The following LINGO2 variants were observed in gnomAD, a reference collection of about 807,000 sequenced individuals.
LINGO2 encodes leucine-rich repeat and immunoglobulin-like domain-containing nogo receptor-interacting protein 2.
In LINGO2, 14 loss-of-function variants were observed where a neutral mutation model predicts 30.6. The ratio of observed to expected loss-of-function variants is 0.46; its 90% CI spans 0.30 to 0.72. The LOEUF (loss-of-function observed/expected upper bound fraction) is 0.72. Ranked by LOEUF, LINGO2 falls within the 30% of genes least tolerant of loss-of-function variation. LINGO2 has a pLI of 0.07. For missense variants in LINGO2, 729 were observed against 751.7 expected (o/e 0.97, Z 0.35); for synonymous variants, 317 against 288.5 (o/e 1.10, Z -1.00).
At chr9:28,326,684 C>CT (rs2134324718) in intron 3 of LINGO2, among the ~76,000 whole-genome samples, 1 of 152,256 alleles carries the variant, frequency 6.6e-6, no homozygotes, top group South Asian at 2.1e-4. Flanking sequence ...ATGGTATATA[C>CT]TTAATGAATG....
the LINGO2 span, among the ~76,000 whole-genome samples, chr9:29,199,344 A>AT: frequency 6.6e-6 from 1 of 152,122 alleles, no homozygotes; most frequent in African/African-American, 2.4e-5. Flanking sequence ...ACAGCCAGAA[A>AT]TTTTTTATAG....
intron 4 of LINGO2, among the ~76,000 whole-genome samples, chr9:28,071,751 T>C (rs1371944371): frequency 1.3e-5 from 2 of 152,082 alleles, no homozygotes; most frequent in Non-Finnish European, 2.9e-5. Flanking sequence ...CTAAGAGCTG[T>C]CTGTCACAGC....
upstream of LINGO2, among the ~76,000 whole-genome samples, chr9:28,672,082 A>G (rs759165479): frequency 2.0e-4 from 30 of 152,122 alleles, no homozygotes; most frequent in Admixed American, 1.0e-3. Context: ...AGTGAATAAC[A>G]TGTCCTATTA....
At chr9:28,500,161 T>G (rs1160872232) in intron 1 of LINGO2, among the ~76,000 whole-genome samples, 1 of 152,170 alleles carries the variant, frequency 6.6e-6, no homozygotes, top group Non-Finnish European at 1.5e-5. Context: ...GTGGGTCTTC[T>G]GACTTTGAAG....
At chr9:28,254,094 G>A (rs765885988) in intron 4 of LINGO2, among the ~76,000 whole-genome samples, 10 of 151,982 alleles carry the variant, frequency 6.6e-5, no homozygotes, top group Admixed American at 1.3e-4. Context: ...AAGGACCCCC[G>A]TCTTTAGCTG....
At chr9:28,338,074 A>G (rs1825647021) in intron 3 of LINGO2, among the ~76,000 whole-genome samples, 1 of 152,190 alleles carries the variant, frequency 6.6e-6, no homozygotes, top group African/African-American at 2.4e-5. Flanking sequence ...CAGCCTATGA[A>G]AGAACCGAGA....
At chr9:28,073,184 C>T (rs944580094) in intron 4 of LINGO2, among the ~76,000 whole-genome samples, 4 of 151,970 alleles carry the variant, frequency 2.6e-5, no homozygotes, top group South Asian at 2.1e-4. Flanking sequence ...CAGCAGCTGA[C>T]GGGATGGAGA....
chr9:28,403,646 C>T (rs1822366191), intron 2 of LINGO2, among the ~76,000 whole-genome samples: 2 of 94,252 alleles, frequency 2.1e-5, no homozygotes, highest in Admixed American at 2.5e-4. Flanking sequence ...GACAATGCCA[C>T]CCCTCTCCTT....
At chr9:29,045,804 T>G in the LINGO2 span, among the ~76,000 whole-genome samples, 1 of 152,132 alleles carries the variant, frequency 6.6e-6, no homozygotes, top group African/African-American at 2.4e-5. Flanking sequence ...TTGTTTTTGT[T>G]TTCTCCAATT....
chr9:29,100,331 T>C, the LINGO2 span, among the ~76,000 whole-genome samples: 1 of 152,270 alleles, frequency 6.6e-6, no homozygotes, highest in African/African-American at 2.4e-5. Context: ...GAGTGGTGGC[T>C]GATGCCTGTA....
chr9:29,021,970 A>G, the LINGO2 span, among the ~76,000 whole-genome samples: 2 of 152,168 alleles, frequency 1.3e-5, no homozygotes, highest in Non-Finnish European at 2.9e-5. Context: ...TGAGGTTAAA[A>G]TAACATTTCT....
chr9:29,160,515 T>C, the LINGO2 span, among the ~76,000 whole-genome samples: 1 of 152,228 alleles, frequency 6.6e-6, no homozygotes, highest in Non-Finnish European at 1.5e-5. Context: ...CTTTTTCTCA[T>C]AGTATTAGAG....
At chr9:29,169,769 C>T in the LINGO2 span, among the ~76,000 whole-genome samples, 1,499 of 152,168 alleles carry the variant, frequency 9.9e-3, 32 homozygotes, top group African/African-American at 0.034. Context: ...TTGGGAAGCC[C>T]AGACAGCAGA....
At chr9:28,513,430 G>C (rs540616391) in intron 1 of LINGO2, among the ~76,000 whole-genome samples, 2 of 152,160 alleles carry the variant, frequency 1.3e-5, no homozygotes, top group East Asian at 3.9e-4. Context: ...ATTTTTTAGG[G>C]TACAGCTATA....
chr9:28,649,695 T>TG lies in LINGO2; in HGVS notation c.-365+20504dup, dbSNP rs1448960570. Among the ~76,000 whole-genome samples, 16 of 151,770 alleles carry TG rather than the reference T, an allele frequency of 1.1e-4. 1 individual carries two copies. Among genetic ancestry groups the TG allele is most frequent in the Admixed American group, 3.3e-4 (5 of 15,226 alleles). ...GCTTGGAAACACTGGACGGATGTTG[T>TG]GGGAAAAAAATTGTAAAAGCTGTAA... On this transcript the variant is annotated intron_variant, in intron 1 of 5. Transcript: ENST00000379992.
intron 3 of LINGO2, among the ~76,000 whole-genome samples, chr9:28,297,695 T>C (rs1823974374): frequency 6.6e-6 from 1 of 152,304 alleles, no homozygotes; most frequent in South Asian, 2.1e-4. Context: ...GAGGTTGTTA[T>C]TGGATGTGAT....
At chr9:28,914,326 T>TAC in the LINGO2 span, among the ~76,000 whole-genome samples, 1 of 152,178 alleles carries the variant, frequency 6.6e-6, no homozygotes, top group Non-Finnish European at 1.5e-5. Context: ...ACGCTATATA[T>TAC]ACTATGAATT....
chr9:28,713,099 C>G, the LINGO2 span, among the ~76,000 whole-genome samples: 1 of 152,012 alleles, frequency 6.6e-6, no homozygotes, highest in African/African-American at 2.4e-5. Context: ...CTCCTGACCT[C>G]GTGATCAACC....
chr9:28,225,199 G>A (rs937848579), intron 4 of LINGO2, among the ~76,000 whole-genome samples: 1 of 152,126 alleles, frequency 6.6e-6, no homozygotes, highest in African/African-American at 2.4e-5. Flanking sequence ...CAGTAAATGA[G>A]AAACCGATTA....
Sources: gnomAD v4.1 joint callset for allele counts (sites outside exome capture counted in the v4.1 genomes callset) on GRCh38, gnomAD v4.1.1 for gene constraint, MANE v1.5 for transcripts, NCBI Gene and HGNC (gene_info 2026-07-23, HGNC 2026-07-21) for gene names.